The following GRM8 variants were observed in gnomAD, a reference collection of about 807,000 sequenced individuals.
GRM8 encodes metabotropic glutamate receptor 8.
A neutral mutation model predicts 87.2 loss-of-function variants in GRM8; 47 were observed. The observed-to-expected ratio is 0.54, with a 90% CI of 0.43 to 0.69. The LOEUF (loss-of-function observed/expected upper bound fraction) is 0.69. Ranked by LOEUF, GRM8 falls within the 30% of genes least tolerant of loss-of-function variation. The pLI, the probability that GRM8 is intolerant of heterozygous loss-of-function variation, is 0.00. For missense variants in GRM8, 1,019 were observed against 1,139.2 expected (o/e 0.89, Z 1.52); for synonymous variants, 396 against 404.5 (o/e 0.98, Z 0.25).
At chr7:126,693,905 T>C (rs889499366) in intron 7 of GRM8, among the ~76,000 whole-genome samples, 9 of 152,118 alleles carry the variant, frequency 5.9e-5, no homozygotes, top group African/African-American at 2.2e-4. Context: ...ATCATTTTCA[T>C]AAATGTATCA....
intron 6 of GRM8, among the ~76,000 whole-genome samples, chr7:126,894,322 T>C (rs1353380089): frequency 1.3e-5 from 2 of 152,078 alleles, no homozygotes; most frequent in African/African-American, 4.8e-5. Context: ...AACTGTCACC[T>C]GTTTGCCTAT....
intron 7 of GRM8, among the ~76,000 whole-genome samples, chr7:126,630,679 AG>A (rs750828379): frequency 3.9e-5 from 6 of 152,186 alleles, no homozygotes; most frequent in Non-Finnish European, 8.8e-5. Context: ...AAGTTTATCC[AG>A]GATGATCAAG....
intron 3 of GRM8, among the ~76,000 whole-genome samples, chr7:127,039,040 A>C (rs1423882679): frequency 6.6e-6 from 1 of 152,174 alleles, no homozygotes; most frequent in Non-Finnish European, 1.5e-5. Flanking sequence ...TGCAATCTGA[A>C]ATCAGAGGGA....
chr7:126,529,642 G>C (rs1297209930), intron 9 of GRM8, among the ~76,000 whole-genome samples: 1 of 152,042 alleles, frequency 6.6e-6, no homozygotes, highest in East Asian at 1.9e-4. Flanking sequence ...GGATGCTCTA[G>C]AAGAGGCAGA....
chr7:126,714,011 C>A (rs1195307358), intron 7 of GRM8, among the ~76,000 whole-genome samples: 2 of 151,394 alleles, frequency 1.3e-5, no homozygotes, highest in Non-Finnish European at 2.9e-5. Flanking sequence ...GTGGCTCACA[C>A]CTGTAATCCC....
At chr7:127,137,310 A>C (rs1271861007) in intron 2 of GRM8, among the ~76,000 whole-genome samples, 1 of 152,100 alleles carries the variant, frequency 6.6e-6, no homozygotes, top group Non-Finnish European at 1.5e-5. Flanking sequence ...ATAAATGCCT[A>C]GTAATGTGGA....
intron 7 of GRM8, among the ~76,000 whole-genome samples, chr7:126,652,151 T>C (rs982537340): frequency 2.0e-5 from 3 of 152,266 alleles, no homozygotes; most frequent in Admixed American, 6.5e-5. Context: ...TATTTCCTTT[T>C]TCTTTTAACA....
intron 7 of GRM8, among the ~76,000 whole-genome samples, chr7:126,699,788 C>T (rs1476520644): frequency 6.6e-6 from 1 of 152,146 alleles, no homozygotes; most frequent in Non-Finnish European, 1.5e-5. Context: ...ATGCCCTAAG[C>T]CCACTAGAGG....
At chr7:126,878,317 A>G (rs1216486320) in intron 6 of GRM8, among the ~76,000 whole-genome samples, 1 of 152,086 alleles carries the variant, frequency 6.6e-6, no homozygotes, top group Non-Finnish European at 1.5e-5. Flanking sequence ...TGTTATCTCC[A>G]TTTCACAGAG....
At chr7:126,882,050 A>C (rs1800072681) in intron 6 of GRM8, among the ~76,000 whole-genome samples, 1 of 152,156 alleles carries the variant, frequency 6.6e-6, no homozygotes, top group Non-Finnish European at 1.5e-5. Flanking sequence ...CAGGCAGACA[A>C]TTTTATCTTA....
At position 126,797,027 on chromosome 7, in the gene GRM8, C is replaced by A. The variant is rs2283073; in HGVS notation, c.1157-26962G>T. ...GTTCTCTCCTTTTGAATGGGAGAGT[C>A]TAATTGGACATTTTACAATTATAAT... On this transcript the variant is annotated intron_variant, in intron 6 of 10. Transcript: ENST00000339582. Among the ~76,000 whole-genome samples the A allele has an allele frequency of 0.031, 4,641 of 152,092 alleles. 398 individuals carry two copies. The East Asian group carries it at 0.32, about 10-fold the overall frequency.
chr7:127,195,692 T>C (rs1172378867), intron 2 of GRM8, among the ~76,000 whole-genome samples: 1 of 152,134 alleles, frequency 6.6e-6, no homozygotes, highest in Non-Finnish European at 1.5e-5. Context: ...ACTCAGGTGA[T>C]TCCTCTGGGC....
At chr7:126,475,090 T>C (rs995686723) in intron 9 of GRM8, among the ~76,000 whole-genome samples, 1 of 152,140 alleles carries the variant, frequency 6.6e-6, no homozygotes, top group African/African-American at 2.4e-5. Context: ...GTGCCTACTT[T>C]TGCCATTTCT....
intron 3 of GRM8, among the ~76,000 whole-genome samples, chr7:127,012,838 G>T (rs1250970602): frequency 6.6e-6 from 1 of 152,118 alleles, no homozygotes; most frequent in East Asian, 1.9e-4. Context: ...AAAAAGAGAA[G>T]ATTTCCATTG....
chr7:126,663,943 G>C (rs553091068), intron 7 of GRM8, among the ~76,000 whole-genome samples: 232 of 152,280 alleles, frequency 1.5e-3, no homozygotes, highest in African/African-American at 5.2e-3. Context: ...CTTTAGTAAA[G>C]TGTCCGGATA....
chr7:127,192,570 C>T (rs575821409), intron 2 of GRM8, among the ~76,000 whole-genome samples: 123 of 152,174 alleles, frequency 8.1e-4, no homozygotes, highest in African/African-American at 2.8e-3. Flanking sequence ...TCAGGGCTCA[C>T]AAAGGAAAGA....
At chr7:126,898,402 T>C (rs1311641634) in intron 6 of GRM8, among the ~76,000 whole-genome samples, 4 of 152,324 alleles carry the variant, frequency 2.6e-5, no homozygotes, top group African/African-American at 9.6e-5. Flanking sequence ...CTGTCATATG[T>C]TGCTTTTTTA....
chr7:126,970,590 T>C (rs1810322631), intron 3 of GRM8, among the ~76,000 whole-genome samples: 1 of 152,152 alleles, frequency 6.6e-6, no homozygotes, highest in African/African-American at 2.4e-5. Context: ...ACAAAAACTT[T>C]CTCTATATCA....
chr7:126,603,056 C>T (rs1797978589), intron 8 of GRM8, among the ~76,000 whole-genome samples: 1 of 147,848 alleles, frequency 6.8e-6, no homozygotes, highest in African/African-American at 2.5e-5. Context: ...TTGGCTTCAT[C>T]CCTGGGATGC....
Sources: gnomAD v4.1 joint callset for allele counts (sites outside exome capture counted in the v4.1 genomes callset) on GRCh38, gnomAD v4.1.1 for gene constraint, MANE v1.5 for transcripts, NCBI Gene and HGNC (gene_info 2026-07-23, HGNC 2026-07-21) for gene names.